Variants in GLDC observed in about 807,000 individuals in gnomAD.
GLDC encodes glycine decarboxylase, also known as glycine dehydrogenase (decarboxylating), mitochondrial.
In GLDC, 104 loss-of-function variants were observed where a neutral mutation model predicts 121.3. The ratio of observed to expected loss-of-function variants is 0.86; its 90% CI spans 0.73 to 1.01. The LOEUF (loss-of-function observed/expected upper bound fraction) is 1.01. GLDC is among the 50% of genes least tolerant of loss of function. The probability of loss-of-function intolerance (pLI) is 0.00; values close to 1 mark genes in which losing one functional copy is unlikely to be tolerated. For synonymous variants in GLDC, 546 were observed against 480.6 expected (o/e 1.14, Z -1.78); for missense variants, 1,429 against 1,306.6 (o/e 1.09, Z -1.44).
intron 4 of GLDC, among the ~76,000 whole-genome samples, chr9:6,608,465 G>C (rs1818782009): frequency 6.7e-6 from 1 of 149,674 alleles, no homozygotes; most frequent in Non-Finnish European, 1.5e-5. Context: ...ACTCGGCCGG[G>C]CTCAGTGGCT....
At chr9:6,637,972 A>G (rs1819542124) in intron 2 of GLDC, among the ~76,000 whole-genome samples, 1 of 151,546 alleles carries the variant, frequency 6.6e-6, no homozygotes, top group South Asian at 2.1e-4. Flanking sequence ...TACAGGTGTC[A>G]GCCTGTAATC....
intron 8 of GLDC, among the ~76,000 whole-genome samples, chr9:6,599,303 C>T (rs115048235): frequency 6.6e-6 from 1 of 151,958 alleles, no homozygotes. Flanking sequence ...TATGATCAGA[C>T]GGAAACCTGG....
At chr9:6,635,699 C>A (rs910797465) in intron 2 of GLDC, among the ~76,000 whole-genome samples, 1 of 151,632 alleles carries the variant, frequency 6.6e-6, no homozygotes, top group African/African-American at 2.4e-5. Flanking sequence ...ATATTGAGAC[C>A]CCCATGTCTA....
chr9:6,644,045 A>AAAAAAAAAAC (rs1819684950), intron 2 of GLDC, among the ~76,000 whole-genome samples: 1 of 148,720 alleles, frequency 6.7e-6, no homozygotes, highest in African/African-American at 2.5e-5. Context: ...AAAAAAAAAA[A>AAAAAAAAAAC]AAAAACGAAA....
At chr9:6,566,610 A>C (rs1360974429) in intron 15 of GLDC, 2 of 152,156 alleles carry the variant, frequency 1.3e-5, no homozygotes, top group Non-Finnish European at 1.5e-5. Flanking sequence ...GCCATGACTA[A>C]CATTCCGGTG....
Position 6,623,401 on chromosome 9 carries a change from C to G in GLDC, c.335-3082G>C, listed in dbSNP as rs184797425. 1.9e-3 allele frequency among the ~76,000 whole-genome samples: 278 copies of G among 147,480 alleles called. 1 individual carries two copies. Among genetic ancestry groups the G allele is most frequent in the African/African-American group, 6.9e-3 (270 of 39,304 alleles). On this transcript the variant is annotated intron_variant, in intron 2 of 24. Coordinates refer to ENST00000321612, the MANE Select transcript of GLDC (RefSeq NM_000170.3). Reference sequence around the variant, plus strand: ...GCGGTGCAAGATGTGCTTTGTTAAACAGATGCTTGAAGGCAGCATGCTCGT... The same window carrying G: ...GCGGTGCAAGATGTGCTTTGTTAAAGAGATGCTTGAAGGCAGCATGCTCGT...
At chr9:6,564,229 C>T (rs1817811663) in intron 16 of GLDC, among the ~76,000 whole-genome samples, 1 of 147,486 alleles carries the variant, frequency 6.8e-6, no homozygotes, top group South Asian at 2.1e-4. Flanking sequence ...GCCTGGGGAA[C>T]AGGGCGAGAC....
intron 15 of GLDC, among the ~76,000 whole-genome samples, chr9:6,570,554 C>T (rs2129775885): frequency 6.6e-6 from 1 of 152,066 alleles, no homozygotes; most frequent in East Asian, 1.9e-4. Context: ...TATATTTGAA[C>T]TTCTTAAGAA....
intron 24 of GLDC, chr9:6,534,326 C>T (rs1817070172): frequency 3.6e-6 from 1 of 279,294 alleles, no homozygotes; most frequent in African/African-American, 2.2e-5. Flanking sequence ...TAATTTGGCA[C>T]ATTTTTAGCC....
chr9:6,544,574 G>C (rs1038846800), intron 21 of GLDC, among the ~76,000 whole-genome samples: 46 of 151,566 alleles, frequency 3.0e-4, no homozygotes, highest in Non-Finnish European at 4.0e-4. Flanking sequence ...GGGAGGCGGG[G>C]GTTGCAGTGA....
intron 17 of GLDC, among the ~76,000 whole-genome samples, chr9:6,556,981 A>G (rs1817647013): frequency 6.6e-6 from 1 of 152,146 alleles, no homozygotes; most frequent in African/African-American, 2.4e-5. Flanking sequence ...AGGTGCGTCC[A>G]TTCTCATAGT....
At chr9:6,629,941 ATATG>A (rs1424898847) in intron 2 of GLDC, among the ~76,000 whole-genome samples, 7 of 71,050 alleles carry the variant, frequency 9.9e-5, no homozygotes, top group East Asian at 5.1e-4. Flanking sequence ...ATATATATAT[ATATG>A]TATATATATA....
chr9:6,614,084 C>G (rs7049056), intron 3 of GLDC, among the ~76,000 whole-genome samples: 35,816 of 151,964 alleles, frequency 0.24, 5,025 homozygotes, highest in East Asian at 0.43. Context: ...ATCACGCCCA[C>G]CCTGATAATT....
At chr9:6,618,773 C>T (rs140375454) in intron 3 of GLDC, among the ~76,000 whole-genome samples, 2 of 152,190 alleles carry the variant, frequency 1.3e-5, no homozygotes, top group Non-Finnish European at 2.9e-5. Flanking sequence ...CAGACACACA[C>T]ACACACCACA....
chr9:6,580,686 C>T (rs1284525360), intron 15 of GLDC, among the ~76,000 whole-genome samples: 1 of 152,170 alleles, frequency 6.6e-6, no homozygotes, highest in Non-Finnish European at 1.5e-5. Flanking sequence ...CCCTTCTTTT[C>T]TCAAAAGCTG....
chr9:6,572,367 A>C (rs1242838487), intron 15 of GLDC, among the ~76,000 whole-genome samples: 4 of 152,216 alleles, frequency 2.6e-5, no homozygotes, highest in African/African-American at 7.2e-5. Flanking sequence ...AAGGAGGGTT[A>C]CATTAGGATG....
rs138785706 is a variant in GLDC at position 6,611,444 on chromosome 9, T to A, written c.471-1088A>T. On this transcript the variant is annotated intron_variant, in intron 3 of 24. Transcript: ENST00000321612. ...GGTGGCACGTGCCTGTAGTCCCAGC[T>A]ACTCAGGAGGCTGAGGCAGGAGAAT... 9.8e-3 allele frequency among the ~76,000 whole-genome samples: 1,495 copies of A among 152,100 alleles called. 17 individuals carry two copies. The highest frequency in any genetic ancestry group is 0.024 in the African/African-American group (982 of 41,490).
intron 15 of GLDC, among the ~76,000 whole-genome samples, chr9:6,578,562 C>T (rs1388282074): frequency 5.3e-5 from 8 of 151,712 alleles, no homozygotes; most frequent in Non-Finnish European, 2.9e-5. Context: ...CTCTTAGAAA[C>T]AGAGTCTCAC....
intron 9 of GLDC, among the ~76,000 whole-genome samples, chr9:6,594,118 T>C (rs1367741909): frequency 6.6e-6 from 1 of 152,138 alleles, no homozygotes; most frequent in Non-Finnish European, 1.5e-5. Flanking sequence ...AGTAACCATG[T>C]CTAGCTCACT....
Sources: gnomAD v4.1 joint callset for allele counts (sites outside exome capture counted in the v4.1 genomes callset) on GRCh38, gnomAD v4.1.1 for gene constraint, MANE v1.5 for transcripts, NCBI Gene and HGNC (gene_info 2026-07-23, HGNC 2026-07-21) for gene names.